RSRC1: variants seen among roughly 807,000 people sequenced by gnomAD.
RSRC1 encodes the protein serine/Arginine-related protein 53.
Under a neutral mutation model 49.1 loss-of-function variants are expected in RSRC1, and 39 were observed. The ratio of observed to expected loss-of-function variants is 0.79; its 90% CI spans 0.61 to 1.04. RSRC1 has a LOEUF of 1.04. RSRC1 is among the 50% of genes least tolerant of loss of function. The pLI, the probability that RSRC1 is intolerant of heterozygous loss-of-function variation, is 0.00. For missense variants in RSRC1, 388 were observed against 402.4 expected (o/e 0.96, Z 0.31); for synonymous variants, 143 against 130.8 (o/e 1.09, Z -0.63).
chr3:158,354,863 G>C lies in RSRC1; in HGVS notation c.538G>C (p.Ala180Pro), dbSNP rs371406316. The C allele has an allele frequency of 1.3e-5, 20 of 1,551,594 alleles. No homozygotes were observed. Among genetic ancestry groups the C allele is most frequent in the South Asian group, 1.1e-4 (9 of 82,194 alleles). ...TTTTTTTTTTCTTTTTTAGCCACCA[G>C]CTGAACAGGCCAAAGCCAGACTACA... ...IKAGLEHLPP[A>P]EQAKARLQLV... Residue 180 changes from alanine (A) to proline (P), a missense_variant, in exon 6 of 10, where the codon GCT becomes CCT. Ala to Pro is a conservative substitution (Grantham distance 27). Coordinates refer to ENST00000611884, the MANE Select transcript of RSRC1 (RefSeq NM_001271838.2).
At chr3:158,310,165 A>G (rs531718848) in intron 5 of RSRC1, among the ~76,000 whole-genome samples, 55 of 151,714 alleles carry the variant, frequency 3.6e-4, no homozygotes, top group Non-Finnish European at 4.7e-4. Context: ...ATAAGATATT[A>G]TATAAATACC....
chr3:158,382,572 G>T (rs1479567375), intron 6 of RSRC1, among the ~76,000 whole-genome samples: 1 of 152,062 alleles, frequency 6.6e-6, no homozygotes, highest in Non-Finnish European at 1.5e-5. Context: ...GGTCTCTTTA[G>T]CCTGGCCAGC....
At chr3:158,298,269 T>A (rs528829495) in intron 5 of RSRC1, among the ~76,000 whole-genome samples, 194 bp downstream of exon 5, 68 of 152,194 alleles carry the variant, frequency 4.5e-4, no homozygotes, top group South Asian at 1.9e-3. Context: ...AAAAATTTTT[T>A]AAATTACTTT....
intron 6 of RSRC1, among the ~76,000 whole-genome samples, chr3:158,390,523 G>A (rs1017483675): frequency 1.3e-5 from 2 of 152,016 alleles, no homozygotes; most frequent in Non-Finnish European, 2.9e-5. Flanking sequence ...GTATTAATAA[G>A]TACATATTCC....
intron 7 of RSRC1, among the ~76,000 whole-genome samples, chr3:158,463,118 A>G (rs889444346): frequency 6.6e-6 from 1 of 152,078 alleles, no homozygotes; most frequent in Non-Finnish European, 1.5e-5. Context: ...GGGATTCCAA[A>G]TAATCTCATT....
At chr3:158,228,755 A>G (rs1388691423) in intron 4 of RSRC1, among the ~76,000 whole-genome samples, 1 of 151,054 alleles carries the variant, frequency 6.6e-6, no homozygotes, top group Non-Finnish European at 1.5e-5. Flanking sequence ...TTGTTTATAT[A>G]TGTGTGTGTG....
intron 7 of RSRC1, among the ~76,000 whole-genome samples, chr3:158,513,299 C>T (rs1375962975): frequency 1.3e-5 from 2 of 151,462 alleles, no homozygotes; most frequent in African/African-American, 2.4e-5. Context: ...CATCAATACC[C>T]AATTTATTGA....
chr3:158,542,306 T>C (rs1215143122), intron 8 of RSRC1, among the ~76,000 whole-genome samples: 1 of 152,136 alleles, frequency 6.6e-6, no homozygotes, highest in African/African-American at 2.4e-5. Context: ...CAAGGCGGGC[T>C]GATCACTTGA....
intron 3 of RSRC1, among the ~76,000 whole-genome samples, chr3:158,165,717 A>T (rs949422804): frequency 1.3e-5 from 2 of 152,210 alleles, no homozygotes; most frequent in Non-Finnish European, 2.9e-5. Flanking sequence ...GGATTTCCAT[A>T]TGACTTGGTA....
intron 6 of RSRC1, among the ~76,000 whole-genome samples, chr3:158,406,253 A>AG (rs1307702814): frequency 6.6e-6 from 1 of 152,166 alleles, no homozygotes; most frequent in Non-Finnish European, 1.5e-5. Context: ...TTGAGAAAAA[A>AG]GAATTCATTG....
Position 158,334,649 on chromosome 3 carries a change from TTGTGTGTGTGTG to T in RSRC1, c.532-20182_532-20171del, listed in dbSNP as rs71840277. Among the ~76,000 whole-genome samples, 30 of 137,530 alleles carry T rather than the reference TTGTGTGTGTGTG, an allele frequency of 2.2e-4. No homozygotes were observed. In the East Asian group the frequency reaches 4.7e-3, roughly 22 times the overall value. The allele number at this position is 137,530 out of a possible 152,430, so 90.2% of individuals were successfully genotyped here. ...GCACATGACACCACACCCAGCTAATTTGTGTGTGTGTGTGTGTGTGTGTGTGTGTGTGTGTGT... is the reference window on the plus strand; with the variant it reads ...GCACATGACACCACACCCAGCTAATTTGTGTGTGTGTGTGTGTGTGTGTGT... On this transcript the variant is annotated intron_variant, in intron 5 of 9. Transcript: ENST00000611884.
At chr3:158,415,174 T>G (rs576167140) in intron 6 of RSRC1, among the ~76,000 whole-genome samples, 2 of 152,114 alleles carry the variant, frequency 1.3e-5, no homozygotes, top group East Asian at 3.9e-4. Flanking sequence ...GCAGGAAATA[T>G]GACTTTCTCC....
intron 5 of RSRC1, among the ~76,000 whole-genome samples, chr3:158,317,896 G>A (rs552244087): frequency 1.6e-4 from 24 of 152,168 alleles, no homozygotes; most frequent in Non-Finnish European, 3.1e-4. Flanking sequence ...CAGAACACAC[G>A]AATTGGATCC....
At chr3:158,358,114 T>G (rs1332154062) in intron 6 of RSRC1, among the ~76,000 whole-genome samples, 1 of 152,204 alleles carries the variant, frequency 6.6e-6, no homozygotes, top group African/African-American at 2.4e-5. Context: ...AAAATAAGAT[T>G]TAAAAAAATG....
At chr3:158,392,510 A>G (rs1339941272) in intron 6 of RSRC1, among the ~76,000 whole-genome samples, 1 of 152,056 alleles carries the variant, frequency 6.6e-6, no homozygotes, top group Non-Finnish European at 1.5e-5. Flanking sequence ...TATTTTTTCC[A>G]AGACTGACAC....
At position 158,533,092 on chromosome 3, in the gene RSRC1, C is replaced by T. The variant is rs189448045; in HGVS notation, c.653-4000C>T. Among the ~76,000 whole-genome samples the T allele has an allele frequency of 2.0e-5, 3 of 151,846 alleles. 1 individual carries two copies. In the East Asian group the frequency reaches 5.8e-4, roughly 29 times the overall value. The stretch of plus-strand genomic sequence containing the variant: ...CAAAGTGACAGGGTTATACTCAAGA[C>T]ATACATTTGTGGTCACTGACATGAG... On this transcript the variant is annotated intron_variant, in intron 7 of 9. Coordinates refer to ENST00000611884, the MANE Select transcript of RSRC1 (RefSeq NM_001271838.2).
chr3:158,115,733 G>C (rs1714761872), intron 1 of RSRC1, among the ~76,000 whole-genome samples: 1 of 152,078 alleles, frequency 6.6e-6, no homozygotes, highest in Non-Finnish European at 1.5e-5. Flanking sequence ...TCTCATATCT[G>C]CTTCTTCATT....
chr3:158,359,880 T>C lies in RSRC1; in HGVS notation c.583+4972T>C, dbSNP rs542584016. 3.9e-5 allele frequency among the ~76,000 whole-genome samples: 6 copies of C among 152,326 alleles called. No individual in the cohort carries two copies. The South Asian group carries it at 1.0e-3, about 26-fold the overall frequency. The stretch of plus-strand genomic sequence containing the variant: ...GTGAACAAGATGAAGAGGGGCTTAT[T>C]GAGCAATAGAACAGCTCAGAGGGGA... On this transcript the variant is annotated intron_variant, in intron 6 of 9. Transcript: ENST00000611884.
At chr3:158,173,558 A>G (rs1719009027) in intron 3 of RSRC1, among the ~76,000 whole-genome samples, 1 of 152,006 alleles carries the variant, frequency 6.6e-6, no homozygotes, top group Non-Finnish European at 1.5e-5. Flanking sequence ...ATTGACCAAG[A>G]AAGTCAAACA....
Sources: allele counts gnomAD v4.1 joint callset (sites outside exome capture counted in the v4.1 genomes callset), GRCh38; gene constraint gnomAD v4.1.1; transcripts MANE v1.5; gene names NCBI Gene and HGNC (gene_info 2026-07-23, HGNC 2026-07-21).